Variants in C14orf39 observed in about 807,000 individuals in gnomAD.
The protein encoded by C14orf39 is chromosome 14 open reading frame 39, also known as protein SIX6OS1.
In C14orf39, 66 loss-of-function variants were observed where a neutral mutation model predicts 85.6. That is an observed-to-expected ratio of 0.77 (90% CI 0.63 to 0.95). The LOEUF (loss-of-function observed/expected upper bound fraction) is 0.95. C14orf39 is among the 40% of genes least tolerant of loss of function. The pLI, the probability that C14orf39 is intolerant of heterozygous loss-of-function variation, is 0.00. For synonymous variants in C14orf39, 242 were observed against 214.0 expected, an observed-to-expected ratio of 1.13 and a Z score of -1.14; for missense variants, 735 against 663.9, an observed-to-expected ratio of 1.11 and a Z score of -1.18.
At position 60,446,896 on chromosome 14, in the gene C14orf39, T is replaced by C. The variant is rs142264167; in HGVS notation, c.1504-4765A>G. 3.4e-4 allele frequency among the ~76,000 whole-genome samples: 52 copies of C among 152,284 alleles called. No homozygotes were observed. The East Asian group carries it at 9.4e-3, about 28-fold the overall frequency. ...CCTAGGATGCAAGGCTGGCTCAACA[T>C]ATGCAAATCAATACACGTGATCCAT... On this transcript the variant is annotated intron_variant, in intron 16 of 17. Coordinates refer to ENST00000321731, the MANE Select transcript of C14orf39 (RefSeq NM_174978.3).
chr14:60,478,443 T>A, intron 4 of C14orf39, 54 bp from the exon 5 acceptor site: 1 of 845,320 alleles, frequency 1.2e-6, no homozygotes, highest in Admixed American at 2.9e-5. Context: ...AACAAATTGA[T>A]AGAGATAATA....
intron 15 of C14orf39, among the ~76,000 whole-genome samples, chr14:60,455,422 C>G (rs1354819797): frequency 6.6e-6 from 1 of 151,956 alleles, no homozygotes; most frequent in Non-Finnish European, 1.5e-5. Context: ...AATTTTGAAG[C>G]ATAGAAAGGT....
intron 10 of C14orf39, 101 bp downstream of exon 10, chr14:60,466,816 G>GC: frequency 1.1e-6 from 1 of 945,464 alleles, no homozygotes; most frequent in South Asian, 2.9e-5. Context: ...CTCCAGTATT[G>GC]TTTTTACTTA....
chr14:60,456,561 T>G (rs1008869802), intron 15 of C14orf39, among the ~76,000 whole-genome samples: 1 of 151,966 alleles, frequency 6.6e-6, no homozygotes, highest in African/African-American at 2.4e-5. Flanking sequence ...AGGCTTAGCT[T>G]GACATTTTAA....
chr14:60,512,598 A>T (rs1488642320), intron 1 of C14orf39: 1 of 152,246 alleles, frequency 6.6e-6, no homozygotes, highest in Non-Finnish European at 1.5e-5. Context: ...TAATCTCCGA[A>T]TTAAGCATAG....
chr14:60,444,306 A>C (rs1278313850), intron 16 of C14orf39, among the ~76,000 whole-genome samples: 4 of 152,208 alleles, frequency 2.6e-5, no homozygotes, highest in Admixed American at 6.5e-5. Context: ...CCTTGAAAAA[A>C]GGTTAGACGA....
In C14orf39 at chr14:60,485,095, A is replaced by G; in HGVS notation, c.-8-9T>C. On this transcript the variant is annotated splice_polypyrimidine_tract_variant and intron_variant, in intron 1 of 17. Transcript: ENST00000321731. ...GTCATTCATCTTGGATACTATGTTA[A>G]ATGAAAAAAAAAATTATAAGATTTT... 1 of 1,588,440 alleles carries G rather than the reference A, an allele frequency of 6.3e-7. No homozygotes were observed. Among genetic ancestry groups the G allele is most frequent in the East Asian group, 2.2e-5 (1 of 44,750 alleles).
chr14:60,437,481 C>T (rs1890309649), intron 17 of C14orf39, among the ~76,000 whole-genome samples: 1 of 151,668 alleles, frequency 6.6e-6, no homozygotes, highest in African/African-American at 2.4e-5. Flanking sequence ...GCTGAATATC[C>T]CACTATGGAA....
intron 1 of C14orf39, among the ~76,000 whole-genome samples, chr14:60,501,416 G>A (rs1387690042): frequency 3.3e-5 from 5 of 151,936 alleles, no homozygotes. Context: ...CAAAGAAGGA[G>A]GCAGAGATTG....
intron 2 of C14orf39, chr14:60,496,905 G>C (rs185600579): frequency 6.6e-6 from 1 of 152,360 alleles, no homozygotes; most frequent in African/African-American, 2.4e-5. Flanking sequence ...ACTGGGTGCT[G>C]GGGGGAGCTG....
rs545285593 is a variant in C14orf39 at position 60,450,658 on chromosome 14, T to C, written c.1503+4343A>G. ...CTGCTGATCACAGAGCTTTAGGGCC[T>C]TCAGTGAACACAGCGGGTAGCCAGG... On this transcript the variant is annotated intron_variant, in intron 16 of 17. Coordinates refer to ENST00000321731, the MANE Select transcript of C14orf39 (RefSeq NM_174978.3). 9.6e-4 allele frequency among the ~76,000 whole-genome samples: 146 copies of C among 152,264 alleles called. 1 individual carries two copies. Among genetic ancestry groups the C allele is most frequent in the Non-Finnish European group, 1.6e-3 (111 of 68,026 alleles).
chr14:60,474,721 TG>T (rs1892283070), intron 5 of C14orf39, among the ~76,000 whole-genome samples: 3 of 152,062 alleles, frequency 2.0e-5, no homozygotes, highest in African/African-American at 7.2e-5. Context: ...TTGCATATGT[TG>T]AACCAGCCTT....
chr14:60,478,421 C>T (rs1192148674), intron 4 of C14orf39, 32 bp from the exon 5 acceptor site: 1 of 1,160,526 alleles, frequency 8.6e-7, no homozygotes, highest in Non-Finnish European at 1.2e-6. Context: ...TAATTAGCAA[C>T]TCAGAATGAT....
chr14:60,489,698 G>A (rs1420457983), upstream of C14orf39, among the ~76,000 whole-genome samples: 1 of 152,112 alleles, frequency 6.6e-6, no homozygotes. Flanking sequence ...TTTCTCTTAT[G>A]TGTATTCAAT....
chr14:60,485,001 A>T (rs1892815637), intron 2 of C14orf39, 29 bp downstream of exon 2: 1 of 1,590,524 alleles, frequency 6.3e-7, no homozygotes, highest in Non-Finnish European at 8.5e-7. Flanking sequence ...TCATACAAAA[A>T]GCTACCTATT....
In C14orf39 at chr14:60,484,937, A is replaced by C; in HGVS notation, c.50T>G (p.Val17Gly). Reference protein sequence around the residue: ...VSLDRLLLEFVFQYEQDISTK... With the variant: ...VSLDRLLLEFGFQYEQDISTK... Reference sequence around the variant, plus strand: ...ACTTATGTCTTGCTCATACTGGAAGACTAAAATAAATAATTATCTTGTGAC... The same window carrying C: ...ACTTATGTCTTGCTCATACTGGAAGCCTAAAATAAATAATTATCTTGTGAC... The change falls in exon 3 of 18, where the codon GTC (valine) becomes GGC (glycine). Residue 17 changes from valine (V) to glycine (G), a missense_variant and splice_region_variant. Transcript: ENST00000321731. This position sits in a 1 kb window ranked among gnomAD's most constrained non-coding sequence, Gnocchi z 4.2. 6.4e-7 allele frequency: 1 copy of C among 1,573,870 alleles called. No individual in the cohort carries two copies. Among genetic ancestry groups the C allele is most frequent in the Non-Finnish European group, 8.6e-7 (1 of 1,158,304 alleles).
chr14:60,506,968 C>A (rs1228529520), intron 1 of C14orf39, among the ~76,000 whole-genome samples: 1 of 152,194 alleles, frequency 6.6e-6, no homozygotes, highest in African/African-American at 2.4e-5. Flanking sequence ...CCCGAATGTG[C>A]CGCTTCCAAA....
At position 60,471,464 on chromosome 14, in the gene C14orf39, AAAAT is replaced by A. The variant is rs780421407; in HGVS notation, c.512-9_512-6del. 1.9e-6 allele frequency: 3 copies of A among 1,600,056 alleles called. No individual in the cohort carries two copies. The East Asian group carries it at 6.8e-5, about 36-fold the overall frequency. On this transcript the variant is annotated splice_polypyrimidine_tract_variant and splice_region_variant and intron_variant, in intron 6 of 17. Transcript: ENST00000321731. Reference sequence around the variant, plus strand: ...GTGATGGAAAGGGAGCAGGCACTGAAAAATAAAGTCACAGCATAAGCTGATTATT... The same window carrying A: ...GTGATGGAAAGGGAGCAGGCACTGAAAAAGTCACAGCATAAGCTGATTATT...
chr14:60,437,209 T>C lies in C14orf39; in HGVS notation c.1562-162A>G, dbSNP rs369091699. 2.0e-4 allele frequency among the ~76,000 whole-genome samples: 30 copies of C among 152,154 alleles called. 1 individual carries two copies. Among genetic ancestry groups the C allele is most frequent in the East Asian group, 1.7e-3 (9 of 5,182 alleles). ...TGTATTCCTCTTAAGTGCAAGGCATTGTCCTTGGTACTATGAAGGTTAAAA... is the reference window on the plus strand; with the variant it reads ...TGTATTCCTCTTAAGTGCAAGGCATCGTCCTTGGTACTATGAAGGTTAAAA... On this transcript the variant is annotated intron_variant, in intron 17 of 17. Transcript: ENST00000321731.
Sources: gnomAD v4.1 joint callset for allele counts (sites outside exome capture counted in the v4.1 genomes callset) on GRCh38, gnomAD v4.1.1 for gene constraint, Gnocchi (gnomAD v3.1) non-coding constraint, MANE v1.5 for transcripts, NCBI Gene and HGNC (gene_info 2026-07-23, HGNC 2026-07-21) for gene names.